The following MEIS2 variants were observed in gnomAD, a reference collection of about 807,000 sequenced individuals.
MEIS2 encodes Meis homeobox 2.
Under a neutral mutation model 58.6 loss-of-function variants are expected in MEIS2, and 9 were observed. The observed-to-expected ratio is 0.15, with a 90% CI of 0.09 to 0.27. MEIS2 has a LOEUF of 0.27. Ranked by LOEUF, MEIS2 falls within the 10% of genes least tolerant of loss-of-function variation. MEIS2 has a pLI of 1.00. For synonymous variants in MEIS2, 221 were observed against 228.4 expected (o/e 0.97, Z 0.29); for missense variants, 427 against 635.0 (o/e 0.67, Z 3.52).
At chr15:37,019,455 T>C (rs1220971121) in intron 8 of MEIS2, among the ~76,000 whole-genome samples, 2 of 152,218 alleles carry the variant, frequency 1.3e-5, no homozygotes, top group African/African-American at 4.8e-5. Context: ...GCATTGTATC[T>C]GTAGTGCACA....
chr15:36,994,226 G>GA (rs1368900005), intron 8 of MEIS2, among the ~76,000 whole-genome samples: 3 of 151,958 alleles, frequency 2.0e-5, no homozygotes, highest in Non-Finnish European at 4.4e-5. Flanking sequence ...AAAAAGAAAA[G>GA]AAACTGCAAA....
intron 8 of MEIS2, among the ~76,000 whole-genome samples, chr15:37,030,163 ACATTCTGAACTACTCCATAGCC>A (rs1296516375): frequency 6.6e-6 from 1 of 152,140 alleles, no homozygotes; most frequent in Non-Finnish European, 1.5e-5. Context: ...CCCATTGGAG[ACATTCTGAACTACTCCATAGCC>A]CATTTCTTCT....
At chr15:37,101,079 G>A (rs1356695723), upstream of MEIS2, 3 of 152,110 alleles carry the variant, frequency 2.0e-5, no homozygotes, top group East Asian at 2.0e-4. Context: ...CGGTACCACT[G>A]CCGGGCTAAA....
intron 8 of MEIS2, among the ~76,000 whole-genome samples, chr15:36,985,012 T>C (rs1436163384): frequency 6.6e-6 from 1 of 152,172 alleles, no homozygotes; most frequent in African/African-American, 2.4e-5. Flanking sequence ...TTGTTCCTTT[T>C]CAAAAAACCT....
intron 9 of MEIS2, among the ~76,000 whole-genome samples, chr15:36,903,004 T>G (rs1287848530): frequency 6.6e-6 from 1 of 152,142 alleles, no homozygotes; most frequent in African/African-American, 2.4e-5. Flanking sequence ...CATAAAAGAA[T>G]TTTTAAAGGA....
At chr15:37,011,526 C>T (rs1044376158) in intron 8 of MEIS2, among the ~76,000 whole-genome samples, 2 of 148,676 alleles carry the variant, frequency 1.3e-5, no homozygotes, top group Non-Finnish European at 3.0e-5. Context: ...GAGACATGTG[C>T]GTTGTCAGTA....
At chr15:37,055,544 C>T (rs1238032943) in intron 7 of MEIS2, among the ~76,000 whole-genome samples, 1 of 152,122 alleles carries the variant, frequency 6.6e-6, no homozygotes, top group Non-Finnish European at 1.5e-5. Flanking sequence ...GCCACCACCA[C>T]CTTCAACCTT....
intron 9 of MEIS2, among the ~76,000 whole-genome samples, chr15:36,919,408 G>C (rs368866240): frequency 1.3e-5 from 2 of 151,868 alleles, no homozygotes; most frequent in African/African-American, 4.8e-5. Flanking sequence ...GAGAAACCCT[G>C]TCTCTACCAA....
intron 6 of MEIS2, among the ~76,000 whole-genome samples, chr15:37,091,071 G>C (rs1893457265): frequency 6.6e-6 from 1 of 151,976 alleles, no homozygotes; most frequent in African/African-American, 2.4e-5. Flanking sequence ...GATTCAAATT[G>C]GGCACATTTA....
intron 9 of MEIS2, among the ~76,000 whole-genome samples, chr15:36,935,480 T>A (rs1567074128): frequency 6.6e-6 from 1 of 152,152 alleles, no homozygotes; most frequent in Non-Finnish European, 1.5e-5. Flanking sequence ...GTCTTAGTTA[T>A]TAATTTTTCA....
At chr15:37,079,098 A>G (rs1891849182) in intron 7 of MEIS2, among the ~76,000 whole-genome samples, 1 of 152,148 alleles carries the variant, frequency 6.6e-6, no homozygotes, top group South Asian at 2.1e-4. Flanking sequence ...GCTGATGGTT[A>G]AAGAATGGCA....
chr15:36,972,997 A>G (rs574884820), intron 8 of MEIS2: 1 of 152,306 alleles, frequency 6.6e-6, no homozygotes, highest in East Asian at 1.9e-4. Flanking sequence ...CTGTGTTTGC[A>G]TAGACATCTT....
At chr15:37,098,620 G>A (rs961391423) in intron 1 of MEIS2, 6 of 207,666 alleles carry the variant, frequency 2.9e-5, no homozygotes, top group Non-Finnish European at 4.3e-5. Context: ...GGATTTGAGG[G>A]GGCGCCGGGA....
chr15:36,971,553 A>AAAAAAAAAAAAAAAAAAAAAAAAAAAAG (rs1555438306), intron 8 of MEIS2, among the ~76,000 whole-genome samples: 25 of 132,060 alleles, frequency 1.9e-4, no homozygotes, highest in Middle Eastern at 3.8e-3. Context: ...AAAAAAAAAA[A>AAAAAAAAAAAAAAAAAAAAAAAAAAAAG]AAAAAAAAAA....
At chr15:37,011,622 T>C (rs1231634525) in intron 8 of MEIS2, among the ~76,000 whole-genome samples, 1 of 133,562 alleles carries the variant, frequency 7.5e-6, no homozygotes, top group African/African-American at 2.8e-5. Flanking sequence ...TTTTTTTTTT[T>C]TTTTTTTTTT....
At chr15:37,063,505 C>G (rs1380573172) in intron 7 of MEIS2, among the ~76,000 whole-genome samples, 1 of 152,206 alleles carries the variant, frequency 6.6e-6, no homozygotes, top group Non-Finnish European at 1.5e-5. Context: ...GTTTTCCCAA[C>G]TGAAAAACCC....
chr15:36,927,402 G>A (rs1370541371), intron 9 of MEIS2, among the ~76,000 whole-genome samples: 2 of 152,034 alleles, frequency 1.3e-5, no homozygotes, highest in Non-Finnish European at 2.9e-5. Context: ...AGAAGGAAAC[G>A]AAGGAAGGAA....
intron 8 of MEIS2, 64 bp downstream of exon 8, chr15:37,036,750 G>A: frequency 6.5e-7 from 1 of 1,547,870 alleles, no homozygotes; most frequent in Non-Finnish European, 8.7e-7. Flanking sequence ...ATCAGTATGA[G>A]ACCGTATAAC....
intron 8 of MEIS2, among the ~76,000 whole-genome samples, chr15:36,960,119 C>T (rs1024885625): frequency 6.6e-6 from 1 of 152,242 alleles, no homozygotes; most frequent in South Asian, 2.1e-4. Context: ...TTCAATTTTA[C>T]TTGCACAGAT....
Sources: gnomAD v4.1 joint callset for allele counts (sites outside exome capture counted in the v4.1 genomes callset) on GRCh38, gnomAD v4.1.1 for gene constraint, MANE v1.5 for transcripts, NCBI Gene and HGNC (gene_info 2026-07-23, HGNC 2026-07-21) for gene names.